SH3BP4: variants seen among roughly 807,000 people sequenced by gnomAD.
The protein encoded by SH3BP4 is SH3 domain-binding protein 4.
Under a neutral mutation model 65.5 loss-of-function variants are expected in SH3BP4, and 33 were observed. The observed-to-expected ratio is 0.50, with a 90% CI of 0.38 to 0.67. The LOEUF is 0.67. Ranked by LOEUF, SH3BP4 falls within the 30% of genes least tolerant of loss-of-function variation. The pLI, the probability that SH3BP4 is intolerant of heterozygous loss-of-function variation, is 0.00. For synonymous variants in SH3BP4, 552 were observed against 545.5 expected (o/e 1.01, Z -0.17); for missense variants, 1,134 against 1,261.4 (o/e 0.90, Z 1.53).
At chr2:235,028,865 G>A (rs1695088062) in intron 2 of SH3BP4, among the ~76,000 whole-genome samples, 1 of 152,132 alleles carries the variant, frequency 6.6e-6, no homozygotes, top group Non-Finnish European at 1.5e-5. Context: ...GGAGGGGCTT[G>A]GTACCTGGGG....
In SH3BP4 at chr2:235,026,732, C is replaced by T. The variant is rs1294761744; in HGVS notation, c.-132-8139C>T. ...GTCCTGCCCTCGTTCCTCATTTTTTCACCCTGTGGCGTGGTCTTGGCTCTG... is the reference window on the plus strand; with the variant it reads ...GTCCTGCCCTCGTTCCTCATTTTTTTACCCTGTGGCGTGGTCTTGGCTCTG... On this transcript the variant is annotated intron_variant, in intron 2 of 5. Coordinates refer to ENST00000392011, the MANE Select transcript of SH3BP4 (RefSeq NM_014521.3). The surrounding 1 kb of genome is among the most constrained non-coding windows in gnomAD (Gnocchi z 4.6). Among the ~76,000 whole-genome samples the T allele has an allele frequency of 6.6e-6, 1 of 152,142 alleles. No homozygotes were observed. Among genetic ancestry groups the T allele is most frequent in the East Asian group, 1.9e-4 (1 of 5,194 alleles).
At chr2:235,011,013 C>T (rs1229322677) in intron 2 of SH3BP4, among the ~76,000 whole-genome samples, 11 of 144,744 alleles carry the variant, frequency 7.6e-5, no homozygotes, top group Admixed American at 2.1e-4. Context: ...CCCTTCCTCC[C>T]TCTCCTGAAA....
chr2:235,031,507 A>G (rs1695200317), intron 2 of SH3BP4, among the ~76,000 whole-genome samples: 1 of 152,172 alleles, frequency 6.6e-6, no homozygotes, highest in Admixed American at 6.5e-5. Flanking sequence ...CTCCTCCTCA[A>G]TCGGAAAGCT....
chr2:234,971,292 T>C lies in SH3BP4; in HGVS notation c.-207+19122T>C, dbSNP rs1574780142. Among the ~76,000 whole-genome samples the C allele has an allele frequency of 3.9e-5, 6 of 152,248 alleles. No individual in the cohort carries two copies. The South Asian group carries it at 1.0e-3, about 26-fold the overall frequency. On this transcript the variant is annotated intron_variant, in intron 1 of 5. Coordinates refer to ENST00000392011, the MANE Select transcript of SH3BP4 (RefSeq NM_014521.3). The stretch of plus-strand genomic sequence containing the variant: ...GATTGGCATATTTCACTTAGCATAG[T>C]GTCTTCAAGGTTCATCCATGCTGTG...
intron 1 of SH3BP4, chr2:234,994,776 G>GGGCTCCCTGTGAAGC (rs1693860351): frequency 6.6e-6 from 1 of 152,290 alleles, no homozygotes; most frequent in Non-Finnish European, 1.5e-5. Flanking sequence ...GTCACAGGCA[G>GGGCTCCCTGTGAAGC]GGCTCCCTGT....
intron 1 of SH3BP4, among the ~76,000 whole-genome samples, chr2:234,965,865 C>T (rs750439473): frequency 1.3e-4 from 20 of 152,078 alleles, no homozygotes; most frequent in Non-Finnish European, 2.1e-4. Flanking sequence ...TGTGTGACTT[C>T]GAATGTCAGG....
chr2:234,965,215 A>C (rs191302069), intron 1 of SH3BP4, among the ~76,000 whole-genome samples: 2 of 152,380 alleles, frequency 1.3e-5, no homozygotes, highest in East Asian at 3.9e-4. Flanking sequence ...GAGACTGTCC[A>C]GTGAAAACCA....
At chr2:235,011,680 AT>A (rs1267706119) in intron 2 of SH3BP4, among the ~76,000 whole-genome samples, 16 of 152,204 alleles carry the variant, frequency 1.1e-4, no homozygotes, top group Non-Finnish European at 1.6e-4. Flanking sequence ...GTACCTGTGT[AT>A]TTAGTGAATG....
chr2:234,996,041 A>G (rs1455916439), intron 2 of SH3BP4: 1 of 152,220 alleles, frequency 6.6e-6, no homozygotes, highest in African/African-American at 2.4e-5. Flanking sequence ...CCTGGTTGGC[A>G]ATAGAAGGAA....
intron 2 of SH3BP4, among the ~76,000 whole-genome samples, chr2:235,015,998 G>T (rs1274017734): frequency 6.6e-6 from 1 of 152,020 alleles, no homozygotes; most frequent in Non-Finnish European, 1.5e-5. Flanking sequence ...GGGGTACGTG[G>T]CAGAGATTTG....
intron 1 of SH3BP4, among the ~76,000 whole-genome samples, chr2:234,988,333 A>T (rs1442737286): frequency 1.3e-5 from 2 of 152,162 alleles, no homozygotes; most frequent in East Asian, 1.9e-4. Flanking sequence ...TGCTGGGATT[A>T]CAGGCGTGAG....
intron 1 of SH3BP4, among the ~76,000 whole-genome samples, chr2:234,981,907 C>A (rs1014578613): frequency 6.6e-6 from 1 of 152,100 alleles, no homozygotes; most frequent in African/African-American, 2.4e-5. Flanking sequence ...TATCGTGGAG[C>A]GCATCTCTTT....
In SH3BP4 at chr2:234,972,453, C is replaced by CT. The variant is rs201733196; in HGVS notation, c.-207+20290dup. On this transcript the variant is annotated intron_variant, in intron 1 of 5. Transcript: ENST00000392011. ...TCCCTTCAGTTTTTTTGTATTTTTT[C>CT]TTTTTTTGGTAGAGATGGAGGAGGG... Among the ~76,000 whole-genome samples the CT allele has an allele frequency of 6.0e-3, 911 of 151,812 alleles. 13 individuals are homozygous for CT. Among genetic ancestry groups the CT allele is most frequent in the African/African-American group, 0.021 (863 of 41,384 alleles).
rs1695671998 is a variant in SH3BP4 at position 235,042,076 on chromosome 2, A to G, written c.1307A>G (p.Asp436Gly). The change falls in exon 4 of 6, where the codon GAC (aspartate) becomes GGC (glycine). Residue 436 changes from aspartate (D) to glycine (G), a missense_variant. Transcript: ENST00000392011. The surrounding 1 kb of genome is among the most constrained non-coding windows in gnomAD (Gnocchi z 7.3). ...VSVPLNCSCGDTVQAQLHNLE... is the reference protein window; with the variant it reads ...VSVPLNCSCGGTVQAQLHNLE... ...GTCCCGCTCAACTGCAGCTGTGGGGACACGGTCCAGGCACAGCTGCACAAC... is the reference window on the plus strand; with the variant it reads ...GTCCCGCTCAACTGCAGCTGTGGGGGCACGGTCCAGGCACAGCTGCACAAC... 1.2e-6 allele frequency: 2 copies of G among 1,613,596 alleles called. No homozygotes were observed. The highest frequency in any genetic ancestry group is 2.7e-5 in the African/African-American group (2 of 74,808).
At chr2:234,970,137 A>T (rs929215854) in intron 1 of SH3BP4, among the ~76,000 whole-genome samples, 4 of 151,270 alleles carry the variant, frequency 2.6e-5, no homozygotes, top group Admixed American at 6.6e-5. Context: ...TTACACACAC[A>T]CTCTCACACT....
chr2:234,955,054 G>C (rs1692555777), intron 1 of SH3BP4, among the ~76,000 whole-genome samples: 1 of 152,122 alleles, frequency 6.6e-6, no homozygotes, highest in South Asian at 2.1e-4. Flanking sequence ...ACCTAAATTG[G>C]GCTGTGTTGT....
rs76406192 is a variant in SH3BP4, at chr2:234,984,655, G to T, written c.-206-10648G>T. 6.9e-3 allele frequency among the ~76,000 whole-genome samples: 1,053 copies of T among 152,232 alleles called. 43 individuals are homozygous for T. In the East Asian group the frequency reaches 0.13, roughly 19 times the overall value. Reference sequence around the variant, plus strand: ...CAGCCCACTGGCTTTGACCAGAACCGACTGAGTGCTCAGGACCAGAACCGA... The same window carrying T: ...CAGCCCACTGGCTTTGACCAGAACCTACTGAGTGCTCAGGACCAGAACCGA... On this transcript the variant is annotated intron_variant, in intron 1 of 5. Transcript: ENST00000392011.
At chr2:234,968,717 G>A (rs7585146) in intron 1 of SH3BP4, among the ~76,000 whole-genome samples, 1 of 152,024 alleles carries the variant, frequency 6.6e-6, no homozygotes, top group Non-Finnish European at 1.5e-5. Context: ...CCCCTTCCCC[G>A]ATCCACACTC....
At chr2:234,985,755 GAC>G (rs1574792961) in intron 1 of SH3BP4, among the ~76,000 whole-genome samples, 1 of 152,026 alleles carries the variant, frequency 6.6e-6, no homozygotes, top group South Asian at 2.1e-4. Flanking sequence ...ACCAGCCTGT[GAC>G]ACACGCCTAC....
Sources: gnomAD v4.1 joint callset for allele counts (sites outside exome capture counted in the v4.1 genomes callset) on GRCh38, gnomAD v4.1.1 for gene constraint, Gnocchi (gnomAD v3.1) non-coding constraint, MANE v1.5 for transcripts, NCBI Gene and HGNC (gene_info 2026-07-23, HGNC 2026-07-21) for gene names.